Variants in SVIL observed in about 807,000 individuals in gnomAD.
SVIL encodes the protein archvillin.
Under a neutral mutation model 240.4 loss-of-function variants are expected in SVIL, and 101 were observed. The observed-to-expected ratio is 0.42, with a 90% CI of 0.36 to 0.50. The LOEUF (loss-of-function observed/expected upper bound fraction) is 0.50. Ranked by LOEUF, SVIL falls within the 20% of genes least tolerant of loss-of-function variation. The pLI is 0.01. For missense variants in SVIL, 2,512 were observed against 2,818.7 expected, an observed-to-expected ratio of 0.89 and a Z score of 2.46; for synonymous variants, 999 against 1,100.0, an observed-to-expected ratio of 0.91 and a Z score of 1.82.
chr10:29,672,757 A>G (rs924578584), intron 2 of SVIL, among the ~76,000 whole-genome samples: 2 of 145,400 alleles, frequency 1.4e-5, no homozygotes, highest in African/African-American at 5.1e-5. Flanking sequence ...AAATTATTTT[A>G]GCACTGCTAT....
At position 29,473,415 on chromosome 10, in the gene SVIL, TCA is replaced by T. The variant is rs539483683; in HGVS notation, c.5529+421_5529+422del. 737 of 191,902 alleles carry T rather than the reference TCA, an allele frequency of 3.8e-3. 6 individuals are homozygous for T. Among genetic ancestry groups the T allele is most frequent in the African/African-American group, 0.017 (707 of 42,258 alleles). 11.9% of individuals were successfully genotyped at this position (191,902 alleles called of 1,614,324 possible). ...AGGATGGCTGTTCAAGTTACACTTC[TCA>T]CCCAAAACATAGCATCCTCATCCTA... is the stretch of plus-strand genomic sequence containing the variant. On this transcript the variant is annotated intron_variant, in intron 30 of 37. Transcript: ENST00000355867.
chr10:29,618,349 T>C (rs1363995615), intron 1 of SVIL, among the ~76,000 whole-genome samples: 1 of 152,220 alleles, frequency 6.6e-6, no homozygotes, highest in Non-Finnish European at 1.5e-5. Context: ...AACACCGTCT[T>C]TTCTGACTAC....
chr10:29,643,505 T>C (rs1958554451), intron 3 of SVIL, among the ~76,000 whole-genome samples: 1 of 152,198 alleles, frequency 6.6e-6, no homozygotes, highest in South Asian at 2.1e-4. Context: ...TGTACACCGA[T>C]ACACCTGTAT....
chr10:29,665,791 C>T (rs1246447908), intron 2 of SVIL, among the ~76,000 whole-genome samples: 1 of 144,148 alleles, frequency 6.9e-6, no homozygotes, highest in African/African-American at 2.8e-5. Context: ...GAGACTCCAT[C>T]TCAAAAACAA....
Position 29,493,377 on chromosome 10 carries a change from C to A in SVIL, c.3856G>T (p.Glu1286Ter). 1 of 1,614,104 alleles carries A rather than the reference C, an allele frequency of 6.2e-7. No individual in the cohort carries two copies. Residue 1286 changes from glutamate (E) to a stop codon, truncating the protein, a stop_gained, in exon 21 of 38, where the codon GAA becomes TAA. Coordinates refer to ENST00000355867, the MANE Select transcript of SVIL (RefSeq NM_021738.3). LOFTEE classifies it high-confidence loss of function. Reference sequence around the variant, plus strand: ...TTGCCGGTGACAGTGAGCACCGTTTCGTGCATCCCGCCAACTATCAACAAA... The same window carrying A: ...TTGCCGGTGACAGTGAGCACCGTTTAGTGCATCCCGCCAACTATCAACAAA... ...RLNNKVGGMH[E>*]TVLTVTGKSV...
At chr10:29,670,941 AC>A (rs1483544190) in intron 2 of SVIL, 2 of 152,302 alleles carry the variant, frequency 1.3e-5, no homozygotes, top group Non-Finnish European at 1.5e-5. Flanking sequence ...CAGGAGTCCA[AC>A]AACTCCTCTA....
At chr10:29,571,096 G>A (rs547644118) in intron 1 of SVIL, among the ~76,000 whole-genome samples, 12 of 152,198 alleles carry the variant, frequency 7.9e-5, no homozygotes, top group Admixed American at 5.9e-4. Flanking sequence ...AACCACCTTC[G>A]TCTGGTCTAA....
At chr10:29,583,264 C>T (rs1331247579) in intron 1 of SVIL, among the ~76,000 whole-genome samples, 3 of 152,126 alleles carry the variant, frequency 2.0e-5, no homozygotes, top group African/African-American at 7.2e-5. Context: ...AGCTCATCAA[C>T]CTGTGATCTC....
At chr10:29,597,352 T>TC (rs1264096421) in intron 1 of SVIL, among the ~76,000 whole-genome samples, 1 of 150,800 alleles carries the variant, frequency 6.6e-6, no homozygotes, top group Non-Finnish European at 1.5e-5. Flanking sequence ...AAATGCCTCC[T>TC]TTTTTTTTCT....
At chr10:29,488,047 C>G (rs1564500614) in intron 23 of SVIL, among the ~76,000 whole-genome samples, 1 of 152,142 alleles carries the variant, frequency 6.6e-6, no homozygotes, top group African/African-American at 2.4e-5. Flanking sequence ...CTCCTCATGG[C>G]CCAGAGACGC....
At chr10:29,733,761 T>C (rs1448345420) in intron 1 of SVIL, among the ~76,000 whole-genome samples, 1 of 152,232 alleles carries the variant, frequency 6.6e-6, no homozygotes, top group Admixed American at 6.5e-5. Context: ...TGCCTCTACC[T>C]AGGACGTTCC....
At chr10:29,521,932 G>C (rs942007361) in intron 16 of SVIL, among the ~76,000 whole-genome samples, 2 of 152,072 alleles carry the variant, frequency 1.3e-5, no homozygotes, top group African/African-American at 4.8e-5. Context: ...AACAAAACTT[G>C]GATTCTAAGT....
At chr10:29,658,617 G>A (rs528105200) in intron 2 of SVIL, among the ~76,000 whole-genome samples, 11 of 152,266 alleles carry the variant, frequency 7.2e-5, no homozygotes, top group East Asian at 5.8e-4. Context: ...TTAGCTGAGC[G>A]TGGAGGTGTG....
chr10:29,523,957 A>ATG lies in SVIL; in HGVS notation c.2656_2657insCA (p.Val886AlafsTer31). The ATG allele has an allele frequency of 6.2e-7, 1 of 1,614,214 alleles. No homozygotes were observed. Among genetic ancestry groups the ATG allele is most frequent in the Non-Finnish European group, 8.5e-7 (1 of 1,180,030 alleles). ...AAGATCTCCGGCATACATTGGAGCAACCGTGGATGCTACGGTAGACACTGA... is the reference window on the plus strand; with the variant it reads ...AAGATCTCCGGCATACATTGGAGCAATGCCGTGGATGCTACGGTAGACACTGA... On this transcript the variant is annotated frameshift_variant, in exon 15 of 38. Transcript: ENST00000355867. LOFTEE classifies it high-confidence loss of function.
At chr10:29,593,205 G>T (rs972854125) in intron 1 of SVIL, among the ~76,000 whole-genome samples, 1 of 152,024 alleles carries the variant, frequency 6.6e-6, no homozygotes, top group African/African-American at 2.4e-5. Context: ...ATATTATAAC[G>T]CAATACTTCA....
chr10:29,629,537 C>T (rs1958004152), intron 1 of SVIL, among the ~76,000 whole-genome samples: 1 of 152,142 alleles, frequency 6.6e-6, no homozygotes, highest in African/African-American at 2.4e-5. Flanking sequence ...GTTATGAATA[C>T]AGGCACTGAA....
chr10:29,588,241 C>T (rs183202947), intron 1 of SVIL, among the ~76,000 whole-genome samples: 6 of 151,674 alleles, frequency 4.0e-5, no homozygotes, highest in East Asian at 1.9e-4. Context: ...ATAGCAATAC[C>T]GTGGAGGTTA....
In SVIL at chr10:29,550,625, G is replaced by T. The variant is rs1169488964; in HGVS notation, c.799C>A (p.Pro267Thr). 1.2e-6 allele frequency: 2 copies of T among 1,612,902 alleles called. No homozygotes were observed. Among genetic ancestry groups the T allele is most frequent in the Non-Finnish European group, 1.7e-6 (2 of 1,179,498 alleles). ...GGTCGGGCCTCAGGGGATAGCTGTG[G>T]GTCACCAAAGGAGGGGCTCCGGGAG... is the stretch of plus-strand genomic sequence containing the variant. ...AASRSPSFGD[P>T]QLSPEARPST... Residue 267 changes from proline to threonine, a missense_variant, in exon 6 of 38, where the codon CCA (proline) becomes ACA (threonine). Physicochemically the swap from Pro to Thr is conservative, Grantham distance 38 (BLOSUM62 -1). Coordinates refer to ENST00000355867, the MANE Select transcript of SVIL (RefSeq NM_021738.3).
intron 16 of SVIL, among the ~76,000 whole-genome samples, chr10:29,513,645 A>T (rs1950013337): frequency 6.6e-6 from 1 of 152,194 alleles, no homozygotes; most frequent in Non-Finnish European, 1.5e-5. Flanking sequence ...GTTTCTCCTC[A>T]GGTGTTCTAA....
Sources: allele counts gnomAD v4.1 joint callset (sites outside exome capture counted in the v4.1 genomes callset), GRCh38; gene constraint gnomAD v4.1.1; transcripts MANE v1.5; gene names NCBI Gene and HGNC (gene_info 2026-07-23, HGNC 2026-07-21).